ATF7: variants seen among roughly 807,000 people sequenced by gnomAD.
ATF7 encodes the protein cyclic AMP-dependent transcription factor ATF-7.
A neutral mutation model predicts 50.4 loss-of-function variants in ATF7; 10 were observed. That is an observed-to-expected ratio of 0.20 (90% confidence interval 0.12 to 0.34). The LOEUF is 0.34. Among genes scored for constraint, ATF7 ranks in the 10% least tolerant of loss-of-function variants. The probability of loss-of-function intolerance (pLI) is 1.00; values close to 1 mark genes in which losing one functional copy is unlikely to be tolerated. For synonymous variants in ATF7, 201 were observed against 226.4 expected, an observed-to-expected ratio of 0.89 and a Z score of 1.01; for missense variants, 465 against 613.9, an observed-to-expected ratio of 0.76 and a Z score of 2.56.
intron 2 of ATF7, among the ~76,000 whole-genome samples, chr12:53,580,665 A>C (rs1376722326): frequency 9.6e-5 from 13 of 135,766 alleles, no homozygotes; most frequent in Non-Finnish European, 1.9e-4. Context: ...CTCCATCTCA[A>C]AAAAAAAAAA....
intron 4 of ATF7, among the ~76,000 whole-genome samples, chr12:53,541,577 T>C (rs1207504526): frequency 6.6e-6 from 1 of 152,174 alleles, no homozygotes; most frequent in Non-Finnish European, 1.5e-5. Context: ...CTGAACTATA[T>C]AAAGGCTAAA....
At chr12:53,531,018 T>C (rs980791968) in intron 9 of ATF7, among the ~76,000 whole-genome samples, 3 of 152,196 alleles carry the variant, frequency 2.0e-5, no homozygotes, top group Admixed American at 6.5e-5. Context: ...TAAGACTTAA[T>C]AGATAGGAAA....
chr12:53,534,731 A>G, intron 5 of ATF7, 72 bp from the exon 6 acceptor site: 4 of 1,489,938 alleles, frequency 2.7e-6, no homozygotes, highest in Non-Finnish European at 3.6e-6. Flanking sequence ...AGATGGTAAA[A>G]TCTAGTACAA....
At chr12:53,517,870 TA>T (rs1156317520) in intron 11 of ATF7, among the ~76,000 whole-genome samples, 2 of 152,204 alleles carry the variant, frequency 1.3e-5, no homozygotes, top group Non-Finnish European at 2.9e-5. Context: ...TTTATTTATT[TA>T]TTTTTTTTCC....
chr12:53,547,894 A>AG (rs775560398), intron 3 of ATF7, among the ~76,000 whole-genome samples: 6 of 151,818 alleles, frequency 4.0e-5, no homozygotes, highest in Non-Finnish European at 7.4e-5. Context: ...TTTTAAATAC[A>AG]GGGTCTCACT....
In ATF7 at chr12:53,552,140, T is replaced by G. The variant is rs558783927; in HGVS notation, c.145+401A>C. Among the ~76,000 whole-genome samples the G allele has an allele frequency of 6.6e-5, 10 of 152,290 alleles. No homozygotes were observed. In the East Asian group the frequency reaches 1.9e-3, roughly 29 times the overall value. ...CTGCTGGAGGAAAGCTGACACCCAGTGGAAGAGAAGCAACCAGGCTAGATT... is the reference window on the plus strand; with the variant it reads ...CTGCTGGAGGAAAGCTGACACCCAGGGGAAGAGAAGCAACCAGGCTAGATT... On this transcript the variant is annotated intron_variant, in intron 3 of 11. Transcript: ENST00000420353.
intron 11 of ATF7, among the ~76,000 whole-genome samples, chr12:53,522,191 A>G (rs1173953136): frequency 6.6e-6 from 1 of 152,242 alleles, no homozygotes; most frequent in African/African-American, 2.4e-5. Flanking sequence ...ATTAGATAAA[A>G]TGTACCCTAT....
chr12:53,560,865 T>C (rs2137559068), intron 2 of ATF7, among the ~76,000 whole-genome samples: 1 of 152,282 alleles, frequency 6.6e-6, no homozygotes, highest in South Asian at 2.1e-4. Context: ...CTCCAAAGTT[T>C]CTGGGTTTGG....
intron 3 of ATF7, among the ~76,000 whole-genome samples, chr12:53,544,710 C>T (rs1285321355): frequency 2.0e-5 from 3 of 152,046 alleles, no homozygotes; most frequent in Admixed American, 6.6e-5. Flanking sequence ...ATCACTGCCA[C>T]TGCACTCCAG....
At chr12:53,612,039 C>T (rs1339203612) in intron 1 of ATF7, among the ~76,000 whole-genome samples, 1 of 145,624 alleles carries the variant, frequency 6.9e-6, no homozygotes, top group African/African-American at 2.6e-5. Flanking sequence ...GCAGTGGCAC[C>T]ATCTCAGCTC....
At chr12:53,517,383 A>G in intron 11 of ATF7, 29 bp from the exon 12 acceptor site, 11 of 1,592,570 alleles carry the variant, frequency 6.9e-6, no homozygotes, top group Non-Finnish European at 9.4e-6. Context: ...AAGAGCAGAG[A>G]GCAATTGGTT....
intron 4 of ATF7, among the ~76,000 whole-genome samples, chr12:53,541,978 C>T (rs1409069305): frequency 1.3e-5 from 2 of 152,080 alleles, no homozygotes; most frequent in Non-Finnish European, 2.9e-5. Context: ...TGCGCCGCCA[C>T]GCCTGGCTAA....
At chr12:53,549,340 C>G (rs1191544685) in intron 3 of ATF7, among the ~76,000 whole-genome samples, 1 of 149,132 alleles carries the variant, frequency 6.7e-6, no homozygotes, top group African/African-American at 2.5e-5. Flanking sequence ...AAAACAAATT[C>G]AAACTTGGGT....
intron 2 of ATF7, among the ~76,000 whole-genome samples, chr12:53,576,752 G>GT (rs1235647269): frequency 2.0e-5 from 3 of 152,254 alleles, no homozygotes; most frequent in African/African-American, 7.2e-5. Context: ...AAAAAACACT[G>GT]TAACAGAAAT....
At chr12:53,537,824 C>T (rs1939312775) in intron 4 of ATF7, among the ~76,000 whole-genome samples, 1 of 152,048 alleles carries the variant, frequency 6.6e-6, no homozygotes, top group Admixed American at 6.6e-5. Flanking sequence ...GAGATTCTCC[C>T]GCCTCAGCCT....
chr12:53,509,566 C>T (rs1000789125), downstream of ATF7, among the ~76,000 whole-genome samples: 1 of 147,784 alleles, frequency 6.8e-6, no homozygotes, highest in Non-Finnish European at 1.5e-5. Flanking sequence ...TGCAGTGGTG[C>T]GATCTCGGCT....
At chr12:53,609,658 G>A (rs1352150391) in intron 1 of ATF7, among the ~76,000 whole-genome samples, 1 of 148,558 alleles carries the variant, frequency 6.7e-6, no homozygotes, top group Non-Finnish European at 1.5e-5. Context: ...AAAAAAAAAA[G>A]TTCATAAATT....
chr12:53,604,019 T>C (rs1943506119), intron 1 of ATF7, among the ~76,000 whole-genome samples: 1 of 152,216 alleles, frequency 6.6e-6, no homozygotes, highest in South Asian at 2.1e-4. Context: ...AAGCAGATCA[T>C]GTGTCTGGGC....
At chr12:53,509,295 T>A (rs1398152951), downstream of ATF7, among the ~76,000 whole-genome samples, 1 of 152,250 alleles carries the variant, frequency 6.6e-6, no homozygotes, top group East Asian at 1.9e-4. Context: ...TTAGCTGTGA[T>A]TGCCTCATGT....
Sources: gnomAD v4.1 joint callset for allele counts (sites outside exome capture counted in the v4.1 genomes callset) on GRCh38, gnomAD v4.1.1 for gene constraint, MANE v1.5 for transcripts, NCBI Gene and HGNC (gene_info 2026-07-23, HGNC 2026-07-21) for gene names.